Variants in CDH13 observed in about 807,000 individuals in gnomAD.
The protein encoded by CDH13 is cadherin-13.
Under a neutral mutation model 63.8 loss-of-function variants are expected in CDH13, and 24 were observed. The observed-to-expected ratio is 0.38, with a 90% CI of 0.27 to 0.53. The LOEUF is 0.53. Ranked by LOEUF, CDH13 falls within the 20% of genes least tolerant of loss-of-function variation. The pLI, the probability that CDH13 is intolerant of heterozygous loss-of-function variation, is 0.85. For missense variants in CDH13, 1,049 were observed against 903.1 expected (o/e 1.16, Z -2.07); for synonymous variants, 503 against 355.3 (o/e 1.42, Z -4.67).
rs2030743037 is a variant in CDH13, at chr16:83,054,723, T to C, written c.366+22505T>C. Reference sequence around the variant, plus strand: ...ATATATATAATAGAAGTAGTCAAAATAGAAAAACCCATCATCATAGCTGAA... The same window carrying C: ...ATATATATAATAGAAGTAGTCAAAACAGAAAAACCCATCATCATAGCTGAA... On this transcript the variant is annotated intron_variant, in intron 3 of 13. Coordinates refer to ENST00000567109, the MANE Select transcript of CDH13 (RefSeq NM_001257.5). Among the ~76,000 whole-genome samples, 7 of 152,042 alleles carry C rather than the reference T, an allele frequency of 4.6e-5. 1 individual carries two copies. The highest frequency in any genetic ancestry group is 3.9e-4 in the Admixed American group (6 of 15,266).
At chr16:82,961,194 G>T (rs953087073) in intron 2 of CDH13, among the ~76,000 whole-genome samples, 1 of 152,164 alleles carries the variant, frequency 6.6e-6, no homozygotes, top group Middle Eastern at 3.2e-3. Flanking sequence ...GGACACTGAG[G>T]CCCAGAGATG....
chr16:82,690,503 G>A (rs1261998824), intron 1 of CDH13, among the ~76,000 whole-genome samples: 2 of 152,170 alleles, frequency 1.3e-5, no homozygotes, highest in African/African-American at 4.8e-5. Flanking sequence ...ACACAAGTTT[G>A]TAGATTAGCC....
At chr16:83,687,533 G>A (rs546953316) in intron 10 of CDH13, among the ~76,000 whole-genome samples, 9 of 152,290 alleles carry the variant, frequency 5.9e-5, no homozygotes, top group Non-Finnish European at 1.2e-4. Context: ...TAACTCCCCT[G>A]ATCCCATCGC....
At chr16:83,040,371 A>G (rs929573759) in intron 3 of CDH13, among the ~76,000 whole-genome samples, 21 of 152,166 alleles carry the variant, frequency 1.4e-4, no homozygotes, top group Admixed American at 6.5e-4. Context: ...GCAGGCTGAG[A>G]AGCCAGGAAG....
intron 1 of CDH13, among the ~76,000 whole-genome samples, chr16:82,755,646 A>G (rs752564322): frequency 2.0e-4 from 30 of 152,160 alleles, no homozygotes; most frequent in Non-Finnish European, 3.7e-4. Context: ...TCATTCAATT[A>G]TTCTTTCAAG....
intron 1 of CDH13, among the ~76,000 whole-genome samples, chr16:82,781,750 AC>A (rs1449635619): frequency 2.0e-5 from 3 of 152,186 alleles, no homozygotes; most frequent in Non-Finnish European, 4.4e-5. Flanking sequence ...TCATCCTTAA[AC>A]AAAAATCAGT....
intron 4 of CDH13, among the ~76,000 whole-genome samples, chr16:83,188,634 C>G (rs762716166): frequency 1.3e-5 from 2 of 152,184 alleles, no homozygotes; most frequent in Non-Finnish European, 2.9e-5. Flanking sequence ...GCCTCCCCTC[C>G]AAAGTCTGCA....
chr16:83,798,430 T>C lies in CDH13; in HGVS notation c.*3400T>C, dbSNP rs1266199862. 2 of 152,222 alleles carry C rather than the reference T, an allele frequency of 1.3e-5. No individual in the cohort carries two copies. The highest frequency in any genetic ancestry group is 1.9e-4 in the East Asian group (1 of 5,192). The allele number at this position is 152,222 out of a possible 1,614,324, so 9.4% of individuals were successfully genotyped here. On this transcript the variant is annotated 3_prime_UTR_variant, in exon 14 of 14. Coordinates refer to ENST00000567109, the MANE Select transcript of CDH13 (RefSeq NM_001257.5). ...GTTTATATTTATCAACTGCTTATTA[T>C]GTGCCCACACTGTACAAAATCCTTA...
At chr16:83,206,877 G>A (rs2039198423) in intron 4 of CDH13, among the ~76,000 whole-genome samples, 1 of 140,444 alleles carries the variant, frequency 7.1e-6, no homozygotes, top group Admixed American at 7.6e-5. Context: ...TTCACAAAAG[G>A]GCCTTGACCT....
intron 5 of CDH13, among the ~76,000 whole-genome samples, chr16:83,221,542 C>T (rs2039699559): frequency 6.6e-6 from 1 of 151,898 alleles, no homozygotes; most frequent in Non-Finnish European, 1.5e-5. Flanking sequence ...AAAATATTAG[C>T]AGGTGGTAAT....
intron 7 of CDH13, among the ~76,000 whole-genome samples, chr16:83,593,628 T>C (rs2150739583): frequency 6.6e-6 from 1 of 151,956 alleles, no homozygotes; most frequent in East Asian, 1.9e-4. Flanking sequence ...ACATGTTATT[T>C]GTCCTGTAAT....
chr16:83,795,299 G>A lies in CDH13; in HGVS notation c.*269G>A, dbSNP rs1321865318. ...CATATGACTTGATCTTCTGGGAGCA[G>A]GAACAATGACTACTTTTTCTGGTGT... On this transcript the variant is annotated 3_prime_UTR_variant, in exon 14 of 14. Transcript: ENST00000567109. 8.6e-6 allele frequency: 4 copies of A among 462,434 alleles called. No homozygotes were observed. The highest frequency in any genetic ancestry group is 1.5e-5 in the Non-Finnish European group (4 of 258,080). The allele number at this position is 462,434 out of a possible 1,614,324, so 28.6% of individuals were successfully genotyped here.
At chr16:83,495,408 G>A (rs1035452885) in intron 7 of CDH13, among the ~76,000 whole-genome samples, 1 of 152,158 alleles carries the variant, frequency 6.6e-6, no homozygotes, top group African/African-American at 2.4e-5. Flanking sequence ...GGGTTGTGGA[G>A]ACTGAGGTTC....
At chr16:83,586,925 T>C (rs1430332765) in intron 7 of CDH13, among the ~76,000 whole-genome samples, 1 of 152,174 alleles carries the variant, frequency 6.6e-6, no homozygotes, top group Non-Finnish European at 1.5e-5. Flanking sequence ...TCAATTTATT[T>C]TCAAAAAGTA....
At chr16:83,283,892 T>C (rs1379494181) in intron 5 of CDH13, among the ~76,000 whole-genome samples, 1 of 152,022 alleles carries the variant, frequency 6.6e-6, no homozygotes, top group Non-Finnish European at 1.5e-5. Context: ...GGGATATAAT[T>C]TTATTAATCA....
intron 2 of CDH13, among the ~76,000 whole-genome samples, chr16:82,987,186 C>G (rs1420611773): frequency 1.3e-5 from 2 of 152,134 alleles, no homozygotes; most frequent in Non-Finnish European, 2.9e-5. Context: ...CTTCAATATT[C>G]TCATGATTCA....
At chr16:82,991,328 A>C (rs1911629951) in intron 2 of CDH13, among the ~76,000 whole-genome samples, 1 of 152,332 alleles carries the variant, frequency 6.6e-6, no homozygotes, top group East Asian at 1.9e-4. Flanking sequence ...AAAATCAAAT[A>C]CTTTAAAAGT....
chr16:83,176,498 A>C lies in CDH13; in HGVS notation c.484-40847A>C, dbSNP rs191452424. 3.3e-4 allele frequency among the ~76,000 whole-genome samples: 47 copies of C among 142,130 alleles called. No individual in the cohort carries two copies. In the East Asian group the frequency reaches 8.3e-3, roughly 25 times the overall value. The allele number at this position is 142,130 out of a possible 152,430, so 93.2% of individuals were successfully genotyped here. A position where few individuals can be genotyped will look rare whatever the true frequency, so the allele number is the denominator to read the frequency against. On this transcript the variant is annotated intron_variant, in intron 4 of 13. Coordinates refer to ENST00000567109, the MANE Select transcript of CDH13 (RefSeq NM_001257.5). ...GCACTCCAGCCTGGGTGACAGAGCA[A>C]GAATCCAGCTAGAGAAAAAAAAAAA...
intron 2 of CDH13, among the ~76,000 whole-genome samples, chr16:82,988,653 C>T (rs752047734): frequency 5.9e-5 from 9 of 151,716 alleles, no homozygotes; most frequent in African/African-American, 9.7e-5. Flanking sequence ...CCCAGCTACT[C>T]TGGAGGCCCG....
Sources: allele counts gnomAD v4.1 joint callset (sites outside exome capture counted in the v4.1 genomes callset), GRCh38; gene constraint gnomAD v4.1.1; transcripts MANE v1.5; gene names NCBI Gene and HGNC (gene_info 2026-07-23, HGNC 2026-07-21).